Variants in SPTBN5 observed in about 807,000 individuals in gnomAD.
SPTBN5 encodes spectrin beta, non-erythrocytic 5, also known as spectrin beta chain, non-erythrocytic 5.
SPTBN5 carries 513 observed loss-of-function variants against 477.6 expected under a neutral mutation model. The ratio of observed to expected loss-of-function variants is 1.07; its 90% confidence interval spans 1.00 to 1.16. The LOEUF (loss-of-function observed/expected upper bound fraction) is 1.16, where lower values mean the gene tolerates loss of function less well. Among genes scored for constraint, SPTBN5 ranks in the 50% most tolerant of loss-of-function variants. The pLI is 0.00. For missense variants in SPTBN5, 5,062 were observed against 4,731.8 expected (o/e 1.07, Z -2.05); for synonymous variants, 2,169 against 2,011.7 (o/e 1.08, Z -2.09).
rs780276303 is a variant in SPTBN5 at position 41,866,425 on chromosome 15, ATC to A, written c.6547_6548del (p.Asp2183Ter). The A allele has an allele frequency of 1.9e-6, 3 of 1,611,318 alleles. No homozygotes were observed. In the African/African-American group the frequency reaches 4.0e-5, roughly 21 times the overall value. On this transcript the variant is annotated frameshift_variant, in exon 37 of 68. Transcript: ENST00000320955. LOFTEE classifies it high-confidence loss of function. ...KEPVPPGDLRDKLKPLLKHQA... is the reference protein window; with the variant it reads ...KEPVPPGDLRXKLKPLLKHQA... The stretch of plus-strand genomic sequence containing the variant: ...GGTGTTTCAGCAGGGGCTTCAGCTT[ATC>A]TCTCAGGTCCCCAGGAGGGACCGGC...
rs2065938195 is a variant in SPTBN5, at chr15:41,856,703, T to C, written c.8809-105A>G. On this transcript the variant is annotated intron_variant, in intron 52 of 67. Coordinates refer to ENST00000320955, the MANE Select transcript of SPTBN5 (RefSeq NM_016642.4). Reference sequence around the variant, plus strand: ...ACCCCACTAACTTGTCCCCAAGGAGTTCCCTGTCCCCATGACTCCCAAAGA... The same window carrying C: ...ACCCCACTAACTTGTCCCCAAGGAGCTCCCTGTCCCCATGACTCCCAAAGA... The C allele has an allele frequency of 4.3e-5, 58 of 1,356,710 alleles. No homozygotes were observed. In the East Asian group the frequency reaches 1.5e-3, roughly 34 times the overall value. The allele number at this position is 1,356,710 out of a possible 1,614,324, so 84.0% of individuals were successfully genotyped here.
At chr15:41,876,758 C>A in intron 19 of SPTBN5, 51 bp downstream of exon 19, 1 of 1,607,502 alleles carries the variant, frequency 6.2e-7, no homozygotes, top group Non-Finnish European at 8.5e-7. Context: ...GCCGTCTGTG[C>A]AGGCTGAGAA....
intron 3 of SPTBN5, 168 bp downstream of exon 3, chr15:41,892,726 A>G: frequency 2.8e-6 from 2 of 709,934 alleles, no homozygotes; most frequent in Non-Finnish European, 2.2e-6. Context: ...GTGCTGTGCG[A>G]GGAGGGCGTG....
rs527944647 is a variant in SPTBN5 at position 41,854,098 on chromosome 15, G to A, written c.9726C>T (p.His3242=). Residue 3242 remains histidine (H), a synonymous_variant, in exon 57 of 68, where the codon CAC becomes CAT. Transcript: ENST00000320955. ...GCAGGGTCCGCACAGATGACAGGCT[G>A]TGGCCTCCGTCCTCCCCCTTCATCA... ...TALMKGEDGG[H]SLSSVRTLQQ... The A allele has an allele frequency of 2.1e-5, 34 of 1,583,174 alleles. 1 individual carries two copies. The South Asian group carries it at 3.5e-4, about 16-fold the overall frequency.
chr15:41,863,082 T>G (rs902592027), intron 41 of SPTBN5, among the ~76,000 whole-genome samples, 179 bp from the exon 42 acceptor site: 4 of 152,234 alleles, frequency 2.6e-5, no homozygotes, highest in African/African-American at 9.6e-5. Flanking sequence ...GAGGAGCAAC[T>G]CTGGATTTGG....
In SPTBN5 at chr15:41,851,369, G is replaced by A. The variant is rs1191311661; in HGVS notation, c.10657C>T (p.Pro3553Ser). 6.4e-6 allele frequency: 10 copies of A among 1,550,532 alleles called. No homozygotes were observed. In the East Asian group the frequency reaches 2.4e-4, roughly 38 times the overall value. ...KQHLLPGGRQ[P>S]SSSSWDSCRG... Reference sequence around the variant, plus strand: ...CAGCTGTCCCAGGAGCTCGAGCTAGGCTGTGGAGAGGAGGCGGGAAGGTCG... The same window carrying A: ...CAGCTGTCCCAGGAGCTCGAGCTAGACTGTGGAGAGGAGGCGGGAAGGTCG... The change falls in exon 64 of 68, where the codon CCT becomes TCT. Residue 3553 changes from proline (P) to serine (S), a missense_variant and splice_region_variant. Coordinates refer to ENST00000320955, the MANE Select transcript of SPTBN5 (RefSeq NM_016642.4).
chr15:41,864,057 C>G (rs748336990), intron 39 of SPTBN5, 33 bp from the exon 40 acceptor site: 4 of 1,553,766 alleles, frequency 2.6e-6, no homozygotes, highest in Admixed American at 1.7e-5. Flanking sequence ...GGCATTGGCA[C>G]CCCCCATGCA....
chr15:41,851,978 G>A (rs533884152), intron 62 of SPTBN5, 128 bp from the exon 63 acceptor site: 127 of 947,782 alleles, frequency 1.3e-4, no homozygotes, highest in Non-Finnish European at 1.9e-4. Context: ...ACCCTGCTTA[G>A]CTTCTAAGAT....
Position 41,885,963 on chromosome 15 carries a change from A to C in SPTBN5, c.1292T>G (p.Phe431Cys). The C allele has an allele frequency of 6.4e-7, 1 of 1,551,470 alleles. No homozygotes were observed. The highest frequency in any genetic ancestry group is 8.7e-7 in the Non-Finnish European group (1 of 1,149,052). ...CTCCCGGAGGGCTGCCTTGTGCTGG[A>C]AGCGCCGGGCCAGGGTTTCTAGCCG... ...LQRLETLARR[F>C]QHKAALRESF... The change falls in exon 7 of 68, where the codon TTC (phenylalanine) becomes TGC (cysteine). Residue 431 changes from phenylalanine to cysteine, a missense_variant. Transcript: ENST00000320955.
At chr15:41,872,913 T>C (rs1195269867) in intron 26 of SPTBN5, among the ~76,000 whole-genome samples, 2 of 152,174 alleles carry the variant, frequency 1.3e-5, no homozygotes, top group African/African-American at 4.8e-5. Flanking sequence ...GAACTGGGGC[T>C]GTGCAGGAAA....
chr15:41,882,927 C>T, intron 9 of SPTBN5, 69 bp downstream of exon 9: 1 of 1,449,908 alleles, frequency 6.9e-7, no homozygotes, highest in Non-Finnish European at 9.3e-7. Flanking sequence ...GTACTTTAAC[C>T]TGGGCAGGAG....
At position 41,849,988 on chromosome 15, in the gene SPTBN5, G is replaced by T. The variant is rs540283992; in HGVS notation, c.10922-29C>A. ...CAGAGCAAGGGAATAACCACTGTTAGCCCGGCCCAGACCATCTGCAGGCGC... is the reference window on the plus strand; with the variant it reads ...CAGAGCAAGGGAATAACCACTGTTATCCCGGCCCAGACCATCTGCAGGCGC... On this transcript the variant is annotated intron_variant, in intron 66 of 67. Coordinates refer to ENST00000320955, the MANE Select transcript of SPTBN5 (RefSeq NM_016642.4). The T allele has an allele frequency of 6.5e-6, 10 of 1,542,586 alleles. No homozygotes were observed. The Admixed American group carries it at 9.6e-5, about 15-fold the overall frequency.
chr15:41,893,105 C>A, intron 2 of SPTBN5, 44 bp from the exon 3 acceptor site: 1 of 1,596,398 alleles, frequency 6.3e-7, no homozygotes, highest in Non-Finnish European at 8.5e-7. Context: ...CCCAGCCTCA[C>A]CTGTCCTCCC....
At position 41,857,688 on chromosome 15, in the gene SPTBN5, C is replaced by CCCTGCAGCAGCCTCTGTCCCT; in HGVS notation, c.8228_8248dup (p.Glu2743_Gln2749dup). On this transcript the variant is annotated inframe_insertion, in exon 50 of 68. Coordinates refer to ENST00000320955, the MANE Select transcript of SPTBN5 (RefSeq NM_016642.4). ...GATGGCCTCCGAGGCTGGGTGGCCC[C>CCCTGCAGCAGCCTCTGTCCCT]CCTGCAGCAGCCTCTGTCCCTCCTG... is the stretch of plus-strand genomic sequence containing the variant. 1 of 1,580,320 alleles carries CCCTGCAGCAGCCTCTGTCCCT rather than the reference C, an allele frequency of 6.3e-7. No homozygotes were observed. The highest frequency in any genetic ancestry group is 1.2e-5 in the South Asian group (1 of 86,604).
At position 41,882,627 on chromosome 15, in the gene SPTBN5, G is replaced by GC; in HGVS notation, c.2003dup (p.Arg669ProfsTer19). On this transcript the variant is annotated frameshift_variant, in exon 10 of 68. Transcript: ENST00000320955. LOFTEE classifies it high-confidence loss of function. The stretch of plus-strand genomic sequence containing the variant: ...CGCCTGCGATCTGGCTGAGATCCCG[G>GC]CCCAGGGCCGCATTCCCCACCCGCT... The GC allele has an allele frequency of 6.2e-7, 1 of 1,606,858 alleles. No individual in the cohort carries two copies. The highest frequency in any genetic ancestry group is 8.5e-7 in the Non-Finnish European group (1 of 1,177,626).
rs764123258 is a variant in SPTBN5, at chr15:41,866,385, C to T, written c.6589G>A (p.Glu2197Lys). The T allele has an allele frequency of 6.2e-7, 1 of 1,611,422 alleles. No individual in the cohort carries two copies. Among genetic ancestry groups the T allele is most frequent in the Middle Eastern group, 1.7e-4 (1 of 6,046 alleles). The change falls in exon 37 of 68, where the codon GAA (glutamate) becomes AAA (lysine). Residue 2197 changes from glutamate (E) to lysine (K), a missense_variant. Glu to Lys is a moderately conservative substitution (Grantham distance 56). Transcript: ENST00000320955. ...PLLKHQAFEAEVQAHEEVMTS... is the reference protein window; with the variant it reads ...PLLKHQAFEAKVQAHEEVMTS... ...ATGACCTCCTCATGGGCCTGGACTT[C>T]AGCCTCAAAGGCCTGGTGTTTCAGC...
At position 41,886,104 on chromosome 15, in the gene SPTBN5, G is replaced by T. The variant is rs1212268704; in HGVS notation, c.1151C>A (p.Pro384His). 6.2e-7 allele frequency: 1 copy of T among 1,609,574 alleles called. No homozygotes were observed. Among genetic ancestry groups the T allele is most frequent in the Non-Finnish European group, 8.5e-7 (1 of 1,177,742 alleles). The change falls in exon 7 of 68, where the codon CCC becomes CAC. Residue 384 changes from proline (P) to histidine (H), a missense_variant. Transcript: ENST00000320955. ...GCCCAGGCCCTCATGAGGCAGGAAGGGCCTGCGGTTCTGGGCTTGGAGTGC... is the reference window on the plus strand; with the variant it reads ...GCCCAGGCCCTCATGAGGCAGGAAGTGCCTGCGGTTCTGGGCTTGGAGTGC... ...QTALQAQNRRPFLPHEGLGLA... is the reference protein window; with the variant it reads ...QTALQAQNRRHFLPHEGLGLA...
At chr15:41,852,061 C>T in intron 62 of SPTBN5, 121 bp downstream of exon 62, 2 of 1,278,682 alleles carry the variant, frequency 1.6e-6, no homozygotes, top group Non-Finnish European at 2.2e-6. Context: ...CCTTCAGCTC[C>T]TGTGCCCGGG....
chr15:41,886,471 T>C, intron 6 of SPTBN5, 105 bp from the exon 7 acceptor site: 1 of 1,302,934 alleles, frequency 7.7e-7, no homozygotes, highest in Non-Finnish European at 1.0e-6. Flanking sequence ...GCTACTTCTC[T>C]GAGCCAAAGA....
Sources: gnomAD v4.1 joint callset for allele counts (sites outside exome capture counted in the v4.1 genomes callset) on GRCh38, gnomAD v4.1.1 for gene constraint, MANE v1.5 for transcripts, NCBI Gene and HGNC (gene_info 2026-07-23, HGNC 2026-07-21) for gene names.